ACACA: variants seen among roughly 807,000 people sequenced by gnomAD.
ACACA encodes acetyl-CoA carboxylase 1.
In ACACA, 103 loss-of-function variants were observed where a neutral mutation model predicts 296.1. That is an observed-to-expected ratio of 0.35 (90% CI 0.30 to 0.41). ACACA has a LOEUF of 0.41. Among genes scored for constraint, ACACA ranks in the 10% least tolerant of loss-of-function variants. The pLI, the probability that ACACA is intolerant of heterozygous loss-of-function variation, is 1.00. For synonymous variants in ACACA, 953 were observed against 1,038.6 expected (o/e 0.92, Z 1.58); for missense variants, 1,554 against 2,989.7 (o/e 0.52, Z 11.20).
intron 1 of ACACA, among the ~76,000 whole-genome samples, chr17:37,371,904 A>C (rs1446180454): frequency 3.3e-5 from 5 of 152,006 alleles, no homozygotes; most frequent in African/African-American, 1.2e-4. Flanking sequence ...CGTCTCAAAA[A>C]AAAATAAAGG....
At chr17:37,335,957 A>G (rs1325183930) in intron 2 of ACACA, among the ~76,000 whole-genome samples, 1 of 151,992 alleles carries the variant, frequency 6.6e-6, no homozygotes, top group Non-Finnish European at 1.5e-5. Flanking sequence ...CGTAGAGCAA[A>G]GGAGCTGCAA....
chr17:37,387,018 C>T (rs1463715825), intron 1 of ACACA: 4 of 152,190 alleles, frequency 2.6e-5, no homozygotes, highest in African/African-American at 9.7e-5. Flanking sequence ...GGTCTCACCA[C>T]ATTGTCCAAG....
At chr17:37,204,774 C>T (rs1428104493) in intron 33 of ACACA, among the ~76,000 whole-genome samples, 1 of 152,140 alleles carries the variant, frequency 6.6e-6, no homozygotes, top group Non-Finnish European at 1.5e-5. Flanking sequence ...GGTCTTTTCA[C>T]AAAATAGCAA....
chr17:37,146,440 G>T (rs535359311), intron 45 of ACACA, among the ~76,000 whole-genome samples: 1 of 151,638 alleles, frequency 6.6e-6, no homozygotes, highest in East Asian at 1.9e-4. Context: ...ATGGGGTTTG[G>T]GGGGTAGGGG....
chr17:37,191,937 T>C (rs781388710), intron 37 of ACACA, among the ~76,000 whole-genome samples, 153 bp downstream of exon 37: 4 of 152,076 alleles, frequency 2.6e-5, no homozygotes, highest in Non-Finnish European at 5.9e-5. Context: ...TTTGTAAACA[T>C]TGAAATAGAA....
intron 1 of ACACA, chr17:37,379,198 G>A (rs776481964): frequency 8.7e-6 from 14 of 1,613,878 alleles, no homozygotes; most frequent in African/African-American, 1.3e-5. Context: ...CTACCCTGCA[G>A]TGCCTTGGCT....
In ACACA at chr17:37,330,159, G is replaced by A. The variant is rs1182145276; in HGVS notation, c.338+14C>T. Reference sequence around the variant, plus strand: ...AGACAGATTAAATAAGTAGACCATTGAACTCTCTCTTACCTTATGTGCAAG... The same window carrying A: ...AGACAGATTAAATAAGTAGACCATTAAACTCTCTCTTACCTTATGTGCAAG... On this transcript the variant is annotated intron_variant, in intron 3 of 55. Coordinates refer to ENST00000616317, the MANE Select transcript of ACACA (RefSeq NM_198834.3). 1 of 1,613,816 alleles carries A rather than the reference G, an allele frequency of 6.2e-7. No individual in the cohort carries two copies. Among genetic ancestry groups the A allele is most frequent in the Admixed American group, 1.7e-5 (1 of 60,008 alleles).
chr17:37,174,018 ATAT>A (rs1196313089), intron 41 of ACACA, among the ~76,000 whole-genome samples: 1 of 15,438 alleles, frequency 6.5e-5, no homozygotes, highest in Non-Finnish European at 1.1e-4. Flanking sequence ...ATATATATAT[ATAT>A]TTTTTTTTTT....
chr17:37,379,631 T>A lies in ACACA; in HGVS notation c.38+26631A>T, dbSNP rs1436272636. 3.3e-5 allele frequency among the ~76,000 whole-genome samples: 5 copies of A among 151,838 alleles called. No homozygotes were observed. In the East Asian group the frequency reaches 9.6e-4, roughly 29 times the overall value. ...TGGGCAAAGGACATGAACAGACACT[T>A]CTCAAAAGAAGACATTTATGCAGCC... On this transcript the variant is annotated intron_variant, in intron 1 of 55. Transcript: ENST00000616317.
chr17:37,216,159 A>ACACACAC lies in ACACA; in HGVS notation c.3683+5564_3683+5565insGTGTGTG, dbSNP rs1598205866. Among the ~76,000 whole-genome samples the ACACACAC allele has an allele frequency of 9.7e-4, 88 of 90,866 alleles. 1 individual carries two copies. The highest frequency in any genetic ancestry group is 2.7e-3 in the African/African-American group (73 of 26,742). The allele number at this position is 90,866 out of a possible 152,430, so 59.6% of individuals were successfully genotyped here. ...ACACACACACACACACACACACACA[A>ACACACAC]CATACACATGTTACATATACATACA... On this transcript the variant is annotated intron_variant, in intron 29 of 55. Transcript: ENST00000616317.
intron 3 of ACACA, among the ~76,000 whole-genome samples, chr17:37,319,353 T>C (rs1055892832): frequency 6.6e-6 from 1 of 152,128 alleles, no homozygotes; most frequent in Non-Finnish European, 1.5e-5. Flanking sequence ...TAAAACAGTG[T>C]GTACAGTATG....
At chr17:37,236,912 G>A (rs1355776564) in intron 24 of ACACA, among the ~76,000 whole-genome samples, 1 of 151,986 alleles carries the variant, frequency 6.6e-6, no homozygotes, top group African/African-American at 2.4e-5. Context: ...TAGAATATAT[G>A]GTATCAGTTG....
chr17:37,279,937 C>T (rs1024547656), intron 5 of ACACA, among the ~76,000 whole-genome samples: 3 of 152,008 alleles, frequency 2.0e-5, no homozygotes, highest in Non-Finnish European at 2.9e-5. Context: ...ATTCATTTGA[C>T]TACTAACTTA....
At chr17:37,286,815 A>G (rs1316930386) in intron 3 of ACACA, among the ~76,000 whole-genome samples, 2 of 152,034 alleles carry the variant, frequency 1.3e-5, no homozygotes, top group African/African-American at 4.8e-5. Context: ...CCAGAGGTCC[A>G]GGCACCAGCC....
intron 42 of ACACA, among the ~76,000 whole-genome samples, chr17:37,158,149 G>A (rs766108986): frequency 3.3e-5 from 5 of 152,096 alleles, no homozygotes; most frequent in African/African-American, 9.7e-5. Context: ...AACAATAGAG[G>A]TACCATCTGT....
intron 1 of ACACA, among the ~76,000 whole-genome samples, chr17:37,381,047 A>G (rs971711580): frequency 6.6e-6 from 1 of 152,018 alleles, no homozygotes; most frequent in Non-Finnish European, 1.5e-5. Flanking sequence ...TCAACTTATT[A>G]TATTTCCTTC....
chr17:37,195,193 C>A (rs1278633147), intron 35 of ACACA, among the ~76,000 whole-genome samples: 1 of 152,148 alleles, frequency 6.6e-6, no homozygotes, highest in Non-Finnish European at 1.5e-5. Context: ...TACGCACACA[C>A]TTTTCTATTC....
intron 23 of ACACA, 60 bp from the exon 24 acceptor site, chr17:37,240,624 A>T: frequency 7.0e-7 from 1 of 1,419,122 alleles, no homozygotes; most frequent in Non-Finnish European, 9.8e-7. Context: ...TAAGCAATAA[A>T]CCCAAAGGCC....
At chr17:37,145,969 G>A (rs543565789) in intron 45 of ACACA, among the ~76,000 whole-genome samples, 1 of 152,206 alleles carries the variant, frequency 6.6e-6, no homozygotes, top group African/African-American at 2.4e-5. Context: ...AGGGGGAAAA[G>A]GATAAAAATA....
Sources: allele counts gnomAD v4.1 joint callset (sites outside exome capture counted in the v4.1 genomes callset), GRCh38; gene constraint gnomAD v4.1.1; transcripts MANE v1.5; gene names NCBI Gene and HGNC (gene_info 2026-07-23, HGNC 2026-07-21).